Variants in GPATCH2 observed in about 807,000 individuals in gnomAD.
GPATCH2 encodes the protein G patch domain-containing protein 2.
Under a neutral mutation model 58.0 loss-of-function variants are expected in GPATCH2, and 51 were observed. The ratio of observed to expected loss-of-function variants is 0.88; its 90% CI spans 0.70 to 1.11. GPATCH2 has a LOEUF of 1.11. Among genes scored for constraint, GPATCH2 ranks in the 50% most tolerant of loss-of-function variants. The probability of loss-of-function intolerance (pLI) is 0.00; values close to 1 mark genes in which losing one functional copy is unlikely to be tolerated. For missense variants in GPATCH2, 625 were observed against 652.2 expected (o/e 0.96, Z 0.45); for synonymous variants, 222 against 218.5 (o/e 1.02, Z -0.14).
intron 5 of GPATCH2, among the ~76,000 whole-genome samples, chr1:217,607,544 G>A (rs566347906): frequency 4.6e-5 from 7 of 152,206 alleles, no homozygotes; most frequent in African/African-American, 1.4e-4. Flanking sequence ...CCATGAGTTC[G>A]ATGTTAGTAA....
Position 217,449,802 on chromosome 1 carries a change from A to G in GPATCH2, c.1278-465T>C, listed in dbSNP as rs186172089. On this transcript the variant is annotated intron_variant, in intron 8 of 9. Transcript: ENST00000366935. ...ATTCTCTTAAAACATTTTAAATAGA[A>G]GGAAATAGTGATGCTTCCCTTATAA... 1.5e-3 allele frequency among the ~76,000 whole-genome samples: 227 copies of G among 152,360 alleles called. 2 individuals are homozygous for G. Among genetic ancestry groups the G allele is most frequent in the African/African-American group, 4.9e-3 (202 of 41,598 alleles).
chr1:217,456,576 G>A (rs1481514739), intron 8 of GPATCH2, among the ~76,000 whole-genome samples: 1 of 152,196 alleles, frequency 6.6e-6, no homozygotes, highest in Non-Finnish European at 1.5e-5. Context: ...GTGAGATGCA[G>A]GGGACAAGGT....
intron 8 of GPATCH2, among the ~76,000 whole-genome samples, chr1:217,451,166 T>C (rs1177905906): frequency 6.6e-6 from 1 of 152,224 alleles, no homozygotes; most frequent in East Asian, 1.9e-4. Flanking sequence ...TAGTGAAGAC[T>C]GTATTATTTA....
intron 5 of GPATCH2, among the ~76,000 whole-genome samples, chr1:217,529,575 G>T (rs75245744): frequency 1.0e-3 from 157 of 152,196 alleles, no homozygotes; most frequent in African/African-American, 3.7e-3. Flanking sequence ...AGACAGTGCG[G>T]TACCCTTGAA....
rs139504617 is a variant in GPATCH2, at chr1:217,459,455, C to T, written c.1278-10118G>A. On this transcript the variant is annotated intron_variant, in intron 8 of 9. Transcript: ENST00000366935. ...GAGTATTCTTTTATTCTTCACACCA[C>T]AGTACCTAGGAAATAGTAGGCACTT... is the stretch of plus-strand genomic sequence containing the variant. 2.1e-3 allele frequency among the ~76,000 whole-genome samples: 325 copies of T among 152,308 alleles called. 3 individuals are homozygous for T. Among genetic ancestry groups the T allele is most frequent in the African/African-American group, 7.1e-3 (296 of 41,576 alleles).
intron 5 of GPATCH2, among the ~76,000 whole-genome samples, chr1:217,586,272 A>G (rs1667336005): frequency 6.6e-6 from 1 of 152,210 alleles, no homozygotes; most frequent in African/African-American, 2.4e-5. Context: ...GACTCTTGTA[A>G]TAACACTTAG....
chr1:217,527,617 A>G (rs544751879), intron 5 of GPATCH2, among the ~76,000 whole-genome samples: 1 of 152,254 alleles, frequency 6.6e-6, no homozygotes, highest in African/African-American at 2.4e-5. Flanking sequence ...ACAAAACAAA[A>G]CAAAACCCTC....
At chr1:217,622,745 G>A (rs774195973) in intron 1 of GPATCH2, among the ~76,000 whole-genome samples, 5 of 152,122 alleles carry the variant, frequency 3.3e-5, no homozygotes, top group Non-Finnish European at 7.4e-5. Flanking sequence ...GGGTTTCACT[G>A]TGTTGGCCAG....
At chr1:217,570,079 T>G (rs960925779) in intron 5 of GPATCH2, among the ~76,000 whole-genome samples, 4 of 152,142 alleles carry the variant, frequency 2.6e-5, no homozygotes, top group South Asian at 2.1e-4. Context: ...TGTAAAGATA[T>G]TTTGATCAAT....
intron 8 of GPATCH2, among the ~76,000 whole-genome samples, chr1:217,462,162 T>G (rs1660227152): frequency 6.6e-6 from 1 of 152,192 alleles, no homozygotes; most frequent in Non-Finnish European, 1.5e-5. Context: ...CTTGCTGTAT[T>G]TAAGAGGTCT....
intron 9 of GPATCH2, among the ~76,000 whole-genome samples, chr1:217,447,893 T>A (rs183718340): frequency 6.6e-6 from 1 of 151,270 alleles, no homozygotes; most frequent in Admixed American, 6.6e-5. Context: ...AGGTCAGGAG[T>A]TCAAGACCAG....
In GPATCH2 at chr1:217,625,054, A is replaced by G. The variant is rs61828867; in HGVS notation, c.57-4555T>C. On this transcript the variant is annotated intron_variant, in intron 1 of 9. Transcript: ENST00000366935. ...CGGGTGGTATTGGATTATGCTGAGC[A>G]ATATAAAATGTATGATCAATCCAAG... is the stretch of plus-strand genomic sequence containing the variant. Among the ~76,000 whole-genome samples the G allele has an allele frequency of 5.5e-3, 831 of 152,326 alleles. 8 individuals carry two copies. Among genetic ancestry groups the G allele is most frequent in the Non-Finnish European group, 0.01 (687 of 68,024 alleles).
At chr1:217,526,340 G>A (rs1243494695) in intron 5 of GPATCH2, among the ~76,000 whole-genome samples, 6 of 151,950 alleles carry the variant, frequency 3.9e-5, no homozygotes, top group Non-Finnish European at 7.4e-5. Flanking sequence ...TCAATCTTAC[G>A]TGATGCAGTT....
At chr1:217,501,007 A>C (rs1662269520) in intron 6 of GPATCH2, among the ~76,000 whole-genome samples, 1 of 152,146 alleles carries the variant, frequency 6.6e-6, no homozygotes, top group Non-Finnish European at 1.5e-5. Context: ...CAACTAAGAC[A>C]CTGAGACTGA....
Position 217,620,033 on chromosome 1 carries a change from T to A in GPATCH2, c.523A>T (p.Ile175Phe), listed in dbSNP as rs141022567. 652 of 1,613,970 alleles carry A rather than the reference T, an allele frequency of 4.0e-4. 2 individuals carry two copies. The highest frequency in any genetic ancestry group is 5.0e-4 in the Non-Finnish European group (591 of 1,180,002). The change falls in exon 2 of 10, where the codon ATC becomes TTC. Residue 175 changes from isoleucine (I) to phenylalanine (F), a missense_variant. Coordinates refer to ENST00000366935, the MANE Select transcript of GPATCH2 (RefSeq NM_018040.5). The stretch of plus-strand genomic sequence containing the variant: ...TGGGTCATTGTCCGTTTGTTAGAGA[T>A]GTCCTGTGGGAGATCTACTGCCATG... ...KRMAVDLPQD[I>F]SNKRTMTQPP...
intron 5 of GPATCH2, among the ~76,000 whole-genome samples, chr1:217,588,198 G>A (rs1374969663): frequency 6.6e-6 from 1 of 152,118 alleles, no homozygotes; most frequent in Non-Finnish European, 1.5e-5. Context: ...TGAAAAGACA[G>A]ATCAATGAAG....
chr1:217,605,279 T>C (rs927727626), intron 5 of GPATCH2, among the ~76,000 whole-genome samples: 1 of 152,226 alleles, frequency 6.6e-6, no homozygotes, highest in Non-Finnish European at 1.5e-5. Context: ...CAAATTATTG[T>C]GTTCAGGGTT....
chr1:217,449,411 T>A (rs1473989904), intron 8 of GPATCH2, 74 bp from the exon 9 acceptor site: 4 of 875,048 alleles, frequency 4.6e-6, no homozygotes, highest in African/African-American at 3.3e-5. Context: ...TTGTATCATC[T>A]GAACCTAAAT....
chr1:217,631,089 A>C lies in GPATCH2; in HGVS notation c.-118T>G. ...TTTTGAGATGAGCTTCCGGAAGCCG[A>C]CAGGCGGCGGAAACCGGATGCCCGG... On this transcript the variant is annotated 5_prime_UTR_variant, in exon 1 of 10. Coordinates refer to ENST00000366935, the MANE Select transcript of GPATCH2 (RefSeq NM_018040.5). 2.9e-6 allele frequency: 3 copies of C among 1,020,062 alleles called. No homozygotes were observed. Among genetic ancestry groups the C allele is most frequent in the Non-Finnish European group, 2.9e-6 (2 of 699,092 alleles). The allele number at this position is 1,020,062 out of a possible 1,614,324, so 63.2% of individuals were successfully genotyped here.
Sources: allele counts gnomAD v4.1 joint callset (sites outside exome capture counted in the v4.1 genomes callset), GRCh38; gene constraint gnomAD v4.1.1; transcripts MANE v1.5; gene names NCBI Gene and HGNC (gene_info 2026-07-23, HGNC 2026-07-21).